Variants in SORCS3 observed in about 807,000 individuals in gnomAD.
SORCS3 encodes VPS10 domain-containing receptor SorCS3.
A neutral mutation model predicts 146.3 loss-of-function variants in SORCS3; 57 were observed. The observed-to-expected ratio is 0.39, with a 90% CI of 0.31 to 0.49. The LOEUF (loss-of-function observed/expected upper bound fraction) is 0.49, where lower values mean the gene tolerates loss of function less well. SORCS3 is among the 20% of genes least tolerant of loss of function. The probability of loss-of-function intolerance (pLI) is 0.92; values close to 1 mark genes in which losing one functional copy is unlikely to be tolerated. For synonymous variants in SORCS3, 653 were observed against 618.5 expected (o/e 1.06, Z -0.83); for missense variants, 1,341 against 1,575.5 (o/e 0.85, Z 2.52).
At chr10:104,930,743 G>A (rs17117996) in intron 3 of SORCS3, among the ~76,000 whole-genome samples, 1 of 152,180 alleles carries the variant, frequency 6.6e-6, no homozygotes, top group Non-Finnish European at 1.5e-5. Context: ...TGGCCAAGAA[G>A]CTACTTTGTT....
chr10:104,869,300 C>T (rs2018491914), intron 2 of SORCS3, among the ~76,000 whole-genome samples: 1 of 152,058 alleles, frequency 6.6e-6, no homozygotes, highest in Non-Finnish European at 1.5e-5. Flanking sequence ...CCAAGAGTGT[C>T]GGTGGTGTGA....
intron 16 of SORCS3, among the ~76,000 whole-genome samples, chr10:105,210,671 G>A (rs1470924211): frequency 6.6e-6 from 1 of 152,168 alleles, no homozygotes; most frequent in Non-Finnish European, 1.5e-5. Flanking sequence ...GGAAATAGGG[G>A]CCTTTGTTTT....
At chr10:104,963,441 C>T (rs1008611859) in intron 3 of SORCS3, among the ~76,000 whole-genome samples, 1 of 152,162 alleles carries the variant, frequency 6.6e-6, no homozygotes, top group Non-Finnish European at 1.5e-5. Flanking sequence ...TACTTTCTTT[C>T]CTTGATTTTA....
Position 104,874,944 on chromosome 10 carries a change from A to G in SORCS3, c.695+32085A>G, listed in dbSNP as rs143648036. Among the ~76,000 whole-genome samples, 88 of 152,300 alleles carry G rather than the reference A, an allele frequency of 5.8e-4. 1 individual carries two copies. Among genetic ancestry groups the G allele is most frequent in the Admixed American group, 2.2e-3 (34 of 15,292 alleles). ...TCATTTGGAACTACCTTACCATAATAACTTGAATCCTTGAATTACACTATG... is the reference window on the plus strand; with the variant it reads ...TCATTTGGAACTACCTTACCATAATGACTTGAATCCTTGAATTACACTATG... On this transcript the variant is annotated intron_variant, in intron 2 of 26. Transcript: ENST00000369701.
intron 4 of SORCS3, among the ~76,000 whole-genome samples, chr10:105,009,488 T>C (rs1564733938): frequency 7.3e-6 from 1 of 137,160 alleles, no homozygotes; most frequent in Admixed American, 8.3e-5. Flanking sequence ...GATCAATAGA[T>C]CTTCTTCCCT....
chr10:104,784,348 G>C (rs2017408192), intron 1 of SORCS3, among the ~76,000 whole-genome samples: 1 of 152,146 alleles, frequency 6.6e-6, no homozygotes, highest in Admixed American at 6.5e-5. Context: ...GCAATACCCA[G>C]GACAGTCACC....
At chr10:104,818,606 A>G (rs2017835248) in intron 1 of SORCS3, among the ~76,000 whole-genome samples, 1 of 152,042 alleles carries the variant, frequency 6.6e-6, no homozygotes. Context: ...CTTGGCTACT[A>G]CAGGATCCCC....
chr10:105,177,995 C>G lies in SORCS3; in HGVS notation c.1902-71C>G, dbSNP rs2056418297. On this transcript the variant is annotated intron_variant, in intron 13 of 26. Coordinates refer to ENST00000369701, the MANE Select transcript of SORCS3 (RefSeq NM_014978.3). ...AAGATACAGAGGAAAATTTAATAAC[C>G]TGAAAAACGGTTACAGAAGAGTGTG... The G allele has an allele frequency of 7.6e-6, 9 of 1,191,194 alleles. No homozygotes were observed. In the South Asian group the frequency reaches 9.2e-5, roughly 12 times the overall value. 73.8% of individuals were successfully genotyped at this position (1,191,194 alleles called of 1,614,324 possible).
intron 4 of SORCS3, among the ~76,000 whole-genome samples, chr10:104,995,389 A>G (rs531258360): frequency 6.6e-6 from 1 of 152,030 alleles, no homozygotes; most frequent in African/African-American, 2.4e-5. Flanking sequence ...CAAACTCCTG[A>G]CTTCGTGATC....
At chr10:104,838,035 A>T (rs1469886899) in intron 1 of SORCS3, among the ~76,000 whole-genome samples, 1 of 152,166 alleles carries the variant, frequency 6.6e-6, no homozygotes. Context: ...ATATTATATA[A>T]TACCTGCTCT....
intron 2 of SORCS3, among the ~76,000 whole-genome samples, chr10:104,894,537 G>A (rs1325080267): frequency 6.6e-6 from 1 of 152,218 alleles, no homozygotes; most frequent in African/African-American, 2.4e-5. Context: ...CAGAAGTGGA[G>A]GAATATAAGC....
At chr10:105,184,431 C>A (rs981447886) in intron 14 of SORCS3, among the ~76,000 whole-genome samples, 2 of 152,164 alleles carry the variant, frequency 1.3e-5, no homozygotes, top group Non-Finnish European at 2.9e-5. Flanking sequence ...ATAGAGCTGG[C>A]CAGACATGGC....
chr10:104,999,461 C>G (rs1427233688), intron 4 of SORCS3, among the ~76,000 whole-genome samples: 1 of 152,200 alleles, frequency 6.6e-6, no homozygotes, highest in Non-Finnish European at 1.5e-5. Flanking sequence ...ATCTAAATTT[C>G]TGCCTGTTGG....
At chr10:105,010,718 T>G (rs1005432160) in intron 4 of SORCS3, among the ~76,000 whole-genome samples, 1 of 126,272 alleles carries the variant, frequency 7.9e-6, no homozygotes, top group Non-Finnish European at 1.7e-5. Flanking sequence ...GAAGCATAGT[T>G]TCTTTTTTTT....
chr10:105,136,481 A>G (rs929290044), intron 7 of SORCS3, among the ~76,000 whole-genome samples: 6 of 152,222 alleles, frequency 3.9e-5, no homozygotes, highest in Non-Finnish European at 8.8e-5. Flanking sequence ...TTCAAACCAC[A>G]GAACCAGCAT....
intron 5 of SORCS3, among the ~76,000 whole-genome samples, chr10:105,053,685 T>C (rs891458108): frequency 5.3e-5 from 8 of 151,986 alleles, no homozygotes; most frequent in Non-Finnish European, 8.8e-5. Context: ...TTGAACATTC[T>C]CCTGTGCCAT....
intron 1 of SORCS3, among the ~76,000 whole-genome samples, chr10:104,680,962 A>G (rs1158584789): frequency 1.3e-5 from 2 of 152,224 alleles, no homozygotes; most frequent in Non-Finnish European, 2.9e-5. Flanking sequence ...TGCGGGGAAC[A>G]GAGAGCAGGA....
At chr10:104,913,766 CTTTTTTTTTT>C (rs35484660) in intron 2 of SORCS3, among the ~76,000 whole-genome samples, 2 of 106,482 alleles carry the variant, frequency 1.9e-5, no homozygotes, top group Non-Finnish European at 3.7e-5. Context: ...TATCCCCATT[CTTTTTTTTTT>C]TTTTTTTTTT....
chr10:105,142,237 A>G (rs4310545), intron 8 of SORCS3, among the ~76,000 whole-genome samples: 77,116 of 151,954 alleles, frequency 0.51, 19,854 homozygotes, highest in Admixed American at 0.55. Flanking sequence ...ATTCAGGTTG[A>G]AAGTAAAAAT....
Sources: allele counts gnomAD v4.1 joint callset (sites outside exome capture counted in the v4.1 genomes callset), GRCh38; gene constraint gnomAD v4.1.1; transcripts MANE v1.5; gene names NCBI Gene and HGNC (gene_info 2026-07-23, HGNC 2026-07-21).